FXR1: variants seen among roughly 807,000 people sequenced by gnomAD.
FXR1 encodes the protein RNA-binding protein FXR1.
In FXR1, 15 loss-of-function variants were observed where a neutral mutation model predicts 84.0. The ratio of observed to expected loss-of-function variants is 0.18; its 90% CI spans 0.12 to 0.27. The LOEUF is 0.27. FXR1 is among the 10% of genes least tolerant of loss of function. The pLI, the probability that FXR1 is intolerant of heterozygous loss-of-function variation, is 1.00. For missense variants in FXR1, 480 were observed against 774.4 expected, an observed-to-expected ratio of 0.62 and a Z score of 4.51; for synonymous variants, 245 against 250.7, an observed-to-expected ratio of 0.98 and a Z score of 0.21.
intron 8 of FXR1, among the ~76,000 whole-genome samples, chr3:180,952,481 C>T (rs1464335086): frequency 6.6e-6 from 1 of 151,890 alleles, no homozygotes; most frequent in Non-Finnish European, 1.5e-5. Flanking sequence ...CACTTGAGTC[C>T]AGGAATGAGA....
chr3:180,965,213 T>A (rs1576993389), intron 13 of FXR1, among the ~76,000 whole-genome samples: 1 of 151,920 alleles, frequency 6.6e-6, no homozygotes, highest in East Asian at 1.9e-4. Flanking sequence ...ACAGGGTTTC[T>A]CCATGTTGGT....
At chr3:180,929,207 A>G (rs1416863078) in intron 1 of FXR1, among the ~76,000 whole-genome samples, 3 of 152,086 alleles carry the variant, frequency 2.0e-5, no homozygotes, top group Non-Finnish European at 4.4e-5. Context: ...GCCCGGCCTA[A>G]TTTATGGCAT....
chr3:180,921,657 T>C (rs1243761924), intron 1 of FXR1, among the ~76,000 whole-genome samples: 4 of 151,638 alleles, frequency 2.6e-5, no homozygotes, highest in Non-Finnish European at 4.4e-5. Context: ...AAATTTGAGA[T>C]CCCTAGAGAT....
At position 180,970,259 on chromosome 3, in the gene FXR1, C is replaced by T. The variant is rs1713354447; in HGVS notation, c.1504C>T (p.Arg502Cys). 4 of 1,601,130 alleles carry T rather than the reference C, an allele frequency of 2.5e-6. No individual in the cohort carries two copies. The highest frequency in any genetic ancestry group is 1.7e-5 in the Admixed American group (1 of 59,908). Residue 502 changes from arginine (R) to cysteine (C), a missense_variant, in exon 15 of 17, where the codon CGT (arginine) becomes TGT (cysteine). Around this residue, in one of 6 missense-constraint regions of FXR1, gnomAD observed 157 missense variants for 227.8 expected, o/e 0.69. Transcript: ENST00000357559. Reference sequence around the variant, plus strand: ...CAGCGAATCTCATCACAGTACTAACCGTCGTAGGCGGTCTCGTAGACGAAG... The same window carrying T: ...CAGCGAATCTCATCACAGTACTAACTGTCGTAGGCGGTCTCGTAGACGAAG... ...DASESHHSTN[R>C]RRRSRRRRTD...
rs1714500842 is a variant in FXR1, at chr3:180,979,469, C to A, written c.*3177C>A. The stretch of plus-strand genomic sequence containing the variant: ...GGATGTTTGTTACTGTCTCAGTCTT[C>A]CTGTCTTTGCTACACGATTTGGATC... On this transcript the variant is annotated 3_prime_UTR_variant, in exon 17 of 17. Transcript: ENST00000357559. 1 of 152,020 alleles carries A rather than the reference C, an allele frequency of 6.6e-6. No homozygotes were observed. The highest frequency in any genetic ancestry group is 6.6e-5 in the Admixed American group (1 of 15,248). 9.4% of individuals were successfully genotyped at this position (152,020 alleles called of 1,614,324 possible). A position where few individuals can be genotyped will look rare whatever the true frequency, so the allele number is the denominator to read the frequency against.
intron 1 of FXR1, among the ~76,000 whole-genome samples, chr3:180,919,812 T>C (rs1718357424): frequency 6.6e-6 from 1 of 152,048 alleles, no homozygotes; most frequent in South Asian, 2.1e-4. Context: ...TAGCTGGGAC[T>C]AAAGGTGCCA....
rs920774665 is a variant in FXR1 at position 180,981,898 on chromosome 3, C to G, written c.*5606C>G. 7 of 152,032 alleles carry G rather than the reference C, an allele frequency of 4.6e-5. No homozygotes were observed. The highest frequency in any genetic ancestry group is 1.7e-4 in the African/African-American group (7 of 41,398). The allele number at this position is 152,032 out of a possible 1,614,324, so 9.4% of individuals were successfully genotyped here. A position where few individuals can be genotyped will look rare whatever the true frequency, so the allele number is the denominator to read the frequency against. ...CAGAAGTTTAACTTGTAACCTACCTCTCATTCCCAAAGTGTGTTTAATCAT... is the reference window on the plus strand; with the variant it reads ...CAGAAGTTTAACTTGTAACCTACCTGTCATTCCCAAAGTGTGTTTAATCAT... On this transcript the variant is annotated 3_prime_UTR_variant, in exon 17 of 17. Transcript: ENST00000357559.
chr3:180,980,311 C>T lies in FXR1; in HGVS notation c.*4019C>T, dbSNP rs1714549072. 2 of 152,038 alleles carry T rather than the reference C, an allele frequency of 1.3e-5. No homozygotes were observed. Among genetic ancestry groups the T allele is most frequent in the Admixed American group, 1.3e-4 (2 of 15,248 alleles). The allele number at this position is 152,038 out of a possible 1,614,324, so 9.4% of individuals were successfully genotyped here. A position where few individuals can be genotyped will look rare whatever the true frequency, so the allele number is the denominator to read the frequency against. On this transcript the variant is annotated 3_prime_UTR_variant, in exon 17 of 17. Transcript: ENST00000357559. The stretch of plus-strand genomic sequence containing the variant: ...AAGGACAAAGTAATTTTTCACAAGT[C>T]TTACAGCCCCACTATTAAGTATGCT...
chr3:180,926,057 A>T (rs1315726946), intron 1 of FXR1, among the ~76,000 whole-genome samples: 2 of 152,204 alleles, frequency 1.3e-5, no homozygotes, highest in East Asian at 3.8e-4. Context: ...TAAGTACTTT[A>T]CCACAAGTTT....
At chr3:180,939,266 G>A (rs1002956563) in intron 3 of FXR1, among the ~76,000 whole-genome samples, 1 of 152,110 alleles carries the variant, frequency 6.6e-6, no homozygotes, top group African/African-American at 2.4e-5. Context: ...CGGTGGGGGG[G>A]TGTGGGTGGT....
intron 3 of FXR1, among the ~76,000 whole-genome samples, chr3:180,937,698 C>T (rs759625027): frequency 1.3e-5 from 2 of 151,512 alleles, no homozygotes; most frequent in Non-Finnish European, 2.9e-5. Context: ...TTTTTGTCAC[C>T]GTTTATTAAG....
chr3:180,962,862 T>A, intron 11 of FXR1, 21 bp from the exon 12 acceptor site: 1 of 1,530,588 alleles, frequency 6.5e-7, no homozygotes, highest in South Asian at 1.1e-5. Flanking sequence ...GAAGACTTAC[T>A]CTTTTTTGTT....
intron 1 of FXR1, among the ~76,000 whole-genome samples, chr3:180,930,129 G>A (rs1335924186): frequency 1.3e-5 from 2 of 152,210 alleles, no homozygotes; most frequent in African/African-American, 4.8e-5. Flanking sequence ...TGGGCGTGGT[G>A]GCGTGTGCCT....
chr3:180,961,410 T>C (rs1447540599), intron 10 of FXR1, 58 bp from the exon 11 acceptor site: 1 of 795,914 alleles, frequency 1.3e-6, no homozygotes, highest in Non-Finnish European at 2.1e-6. Flanking sequence ...ATGTCACTTT[T>C]AGGCTAGAAC....
rs1714435423 is a variant in FXR1 at position 180,978,526 on chromosome 3, A to T, written c.*2234A>T. On this transcript the variant is annotated 3_prime_UTR_variant, in exon 17 of 17. Transcript: ENST00000357559. ...GTTCCGTCTTTTTGGCTGCTATCCT[A>T]GTTAGGTGAGATGTTGCTATGGGAA... The T allele has an allele frequency of 6.6e-6, 1 of 152,026 alleles. No homozygotes were observed. The allele number at this position is 152,026 out of a possible 1,614,324, so 9.4% of individuals were successfully genotyped here. A position where few individuals can be genotyped will look rare whatever the true frequency, so the allele number is the denominator to read the frequency against.
At chr3:180,926,506 A>ATATATATATTTTTTTTT (rs72192827) in intron 1 of FXR1, among the ~76,000 whole-genome samples, 1 of 124,392 alleles carries the variant, frequency 8.0e-6, no homozygotes, top group African/African-American at 2.9e-5. Flanking sequence ...ATATATATAT[A>ATATATATATTTTTTTTT]TTTTTTTTTC....
intron 1 of FXR1, among the ~76,000 whole-genome samples, chr3:180,917,607 G>C (rs959059339): frequency 5.3e-5 from 8 of 152,202 alleles, no homozygotes; most frequent in African/African-American, 1.7e-4. Context: ...GGGGAAGGAA[G>C]GCTGGGATTT....
chr3:180,961,271 T>C (rs1186438941), intron 10 of FXR1, among the ~76,000 whole-genome samples, 197 bp from the exon 11 acceptor site: 1 of 150,072 alleles, frequency 6.7e-6, no homozygotes, highest in East Asian at 2.0e-4. Context: ...GCCCAGGAGT[T>C]TGATGCTGCA....
intron 1 of FXR1, among the ~76,000 whole-genome samples, chr3:180,922,239 G>A (rs1387502288): frequency 6.6e-6 from 1 of 152,146 alleles, no homozygotes; most frequent in Non-Finnish European, 1.5e-5. Flanking sequence ...AATGTTGAAA[G>A]ATTGCTTTCC....
Sources: allele counts gnomAD v4.1 joint callset (sites outside exome capture counted in the v4.1 genomes callset), GRCh38; gene constraint gnomAD v4.1.1; regional missense constraint gnomAD v4.1.1; transcripts MANE v1.5; gene names NCBI Gene and HGNC (gene_info 2026-07-23, HGNC 2026-07-21).